Variants in TPH1 observed in about 807,000 individuals in gnomAD.
TPH1 encodes the protein tryptophan 5-hydroxylase 1.
A neutral mutation model predicts 49.5 loss-of-function variants in TPH1; 37 were observed. That is an observed-to-expected ratio of 0.75 (90% CI 0.58 to 0.98). TPH1 has a LOEUF of 0.98. Among genes scored for constraint, TPH1 ranks in the 50% least tolerant of loss-of-function variants. The probability of loss-of-function intolerance (pLI) is 0.00; values close to 1 mark genes in which losing one functional copy is unlikely to be tolerated. For synonymous variants in TPH1, 160 were observed against 182.1 expected, an observed-to-expected ratio of 0.88 and a Z score of 0.98; for missense variants, 487 against 523.6, an observed-to-expected ratio of 0.93 and a Z score of 0.68.
In TPH1 at chr11:18,026,395, A is replaced by G. The variant is rs1054988854; in HGVS notation, c.803+95T>C. On this transcript the variant is annotated intron_variant, in intron 7 of 10. Coordinates refer to ENST00000682019, the MANE Select transcript of TPH1 (RefSeq NM_004179.3). ...TAATTTATTTAATCCTCGCACACCA[A>G]AAAAAAAAAAAAAAAAAAAAAAGAA... The G allele has an allele frequency of 3.1e-4, 84 of 271,498 alleles. No individual in the cohort carries two copies. The East Asian group carries it at 0.011, about 35-fold the overall frequency. The allele number at this position is 271,498 out of a possible 1,614,324, so 16.8% of individuals were successfully genotyped here. A position where few individuals can be genotyped will look rare whatever the true frequency, so the allele number is the denominator to read the frequency against.
At chr11:18,036,315 G>A (rs1848047999) in intron 2 of TPH1, among the ~76,000 whole-genome samples, 173 bp from the exon 3 acceptor site, 1 of 152,156 alleles carries the variant, frequency 6.6e-6, no homozygotes, top group Non-Finnish European at 1.5e-5. Context: ...TAAAAATTAT[G>A]TATTAGAAAA....
At chr11:18,032,872 A>G (rs1357459360) in intron 4 of TPH1, among the ~76,000 whole-genome samples, 1 of 152,148 alleles carries the variant, frequency 6.6e-6, no homozygotes, top group Admixed American at 6.5e-5. Flanking sequence ...GATTAAAACA[A>G]TGTCTCATTT....
At chr11:18,040,479 C>T (rs541308663) in intron 2 of TPH1, among the ~76,000 whole-genome samples, 167 bp downstream of exon 2, 10 of 151,662 alleles carry the variant, frequency 6.6e-5, no homozygotes, top group African/African-American at 1.9e-4. Flanking sequence ...GCAATCCTCC[C>T]ACCCCAGCCT....
At chr11:18,022,057 C>T (rs1346090003) in intron 10 of TPH1, among the ~76,000 whole-genome samples, 1 of 152,234 alleles carries the variant, frequency 6.6e-6, no homozygotes, top group Non-Finnish European at 1.5e-5. Flanking sequence ...ACTATGACTT[C>T]AACCCCTATC....
Position 18,043,836 on chromosome 11 carries a change from A to C in TPH1, c.-27+2405T>G, listed in dbSNP as rs532913474. Among the ~76,000 whole-genome samples the C allele has an allele frequency of 5.3e-5, 8 of 152,110 alleles. No homozygotes were observed. In the South Asian group the frequency reaches 1.7e-3, roughly 32 times the overall value. The stretch of plus-strand genomic sequence containing the variant: ...ATCCATGATCGCGCCACTGCAGTCC[A>C]GCCTGGGTGACAGAGTGAAACCCTG... On this transcript the variant is annotated intron_variant, in intron 1 of 10. Transcript: ENST00000682019.
chr11:18,021,018 A>T lies in TPH1; in HGVS notation c.1308T>A (p.Ala436=), dbSNP rs768975244. Residue 436 remains alanine, a synonymous_variant, in exon 11 of 11, where the codon GCT becomes GCA. Transcript: ENST00000682019. ...HDLDVVSDAL[A]KVSRKPSI ...AGATACTCGGCTTCCTGCTGACCTT[A>T]GCAAGGGCATCACTGACAACATCGA... The T allele has an allele frequency of 1.2e-6, 2 of 1,614,032 alleles. No homozygotes were observed. Among genetic ancestry groups the T allele is most frequent in the Admixed American group, 3.3e-5 (2 of 60,016 alleles).
intron 4 of TPH1, among the ~76,000 whole-genome samples, chr11:18,031,896 T>A (rs1847992327): frequency 6.6e-6 from 1 of 152,214 alleles, no homozygotes; most frequent in South Asian, 2.1e-4. Flanking sequence ...AATTTTTTCA[T>A]GAAGCAAAAT....
chr11:18,022,552 T>A (rs1471582647), intron 10 of TPH1, among the ~76,000 whole-genome samples: 1 of 152,228 alleles, frequency 6.6e-6, no homozygotes, highest in Admixed American at 6.5e-5. Flanking sequence ...ATTAGACTAC[T>A]AAACTCTCTG....
Position 18,025,583 on chromosome 11 carries a change from G to A in TPH1, c.922C>T (p.Leu308=). 1.2e-6 allele frequency: 2 copies of A among 1,613,904 alleles called. No homozygotes were observed. Among genetic ancestry groups the A allele is most frequent in the East Asian group, 2.2e-5 (1 of 44,878 alleles). Residue 308 remains leucine (L), a synonymous_variant, in exon 8 of 11, where the codon CTG becomes TTG. Transcript: ENST00000682019. ...TAATTCCAGATTTATACCGTTGCCA[G>A]TTTTTGAACAGCCTCCTCTGAAGCG... ...LGASEEAVQK[L]ATCYFFTVEF...
At chr11:18,038,086 A>G (rs971649291) in intron 2 of TPH1, among the ~76,000 whole-genome samples, 2 of 152,244 alleles carry the variant, frequency 1.3e-5, no homozygotes, top group African/African-American at 4.8e-5. Context: ...GTGGAAAAGA[A>G]GTTGAAGAGG....
intron 1 of TPH1, among the ~76,000 whole-genome samples, chr11:18,045,611 C>G (rs1007971674): frequency 6.6e-6 from 1 of 152,062 alleles, no homozygotes. Flanking sequence ...AAATCAAACG[C>G]CAAAGGCAAG....
intron 4 of TPH1, among the ~76,000 whole-genome samples, chr11:18,030,178 G>A (rs1053296375): frequency 6.6e-6 from 1 of 152,098 alleles, no homozygotes; most frequent in Non-Finnish European, 1.5e-5. Context: ...GGAGACCTAC[G>A]AAGGAGAATC....
At chr11:18,045,310 GA>G (rs1848131175) in intron 1 of TPH1, among the ~76,000 whole-genome samples, 1 of 152,002 alleles carries the variant, frequency 6.6e-6, no homozygotes, top group South Asian at 2.1e-4. Context: ...CACTATCCAT[GA>G]AAAACAGTAT....
intron 9 of TPH1, among the ~76,000 whole-genome samples, chr11:18,023,345 A>G (rs1210599413): frequency 1.3e-5 from 2 of 152,182 alleles, no homozygotes; most frequent in African/African-American, 4.8e-5. Flanking sequence ...AACAAACTTG[A>G]GTTTATTTAT....
chr11:18,042,991 G>GT (rs969342209), intron 1 of TPH1, among the ~76,000 whole-genome samples: 6 of 152,178 alleles, frequency 3.9e-5, no homozygotes, highest in African/African-American at 1.4e-4. Context: ...TAATTCAGCA[G>GT]TTTTTTTGCA....
chr11:18,038,362 T>A (rs1474898032), intron 2 of TPH1, among the ~76,000 whole-genome samples: 1 of 152,114 alleles, frequency 6.6e-6, no homozygotes, highest in Admixed American at 6.6e-5. Flanking sequence ...ATGAATGAGA[T>A]GTTCACACAG....
intron 2 of TPH1, among the ~76,000 whole-genome samples, chr11:18,036,809 A>G (rs1349738076): frequency 6.6e-6 from 1 of 152,238 alleles, no homozygotes; most frequent in Non-Finnish European, 1.5e-5. Flanking sequence ...AGAAGGTTAG[A>G]GCAGATAATC....
intron 4 of TPH1, among the ~76,000 whole-genome samples, 188 bp downstream of exon 4, chr11:18,033,086 C>T (rs908626688): frequency 6.6e-6 from 1 of 152,098 alleles, no homozygotes; most frequent in Non-Finnish European, 1.5e-5. Flanking sequence ...AACCCCATCT[C>T]TACTAAAAAT....
chr11:18,026,823 T>A (rs1402720043), intron 6 of TPH1, among the ~76,000 whole-genome samples, 198 bp from the exon 7 acceptor site: 1 of 152,150 alleles, frequency 6.6e-6, no homozygotes, highest in Non-Finnish European at 1.5e-5. Flanking sequence ...CTTTTACATA[T>A]CACATCTCCT....
Sources: allele counts gnomAD v4.1 joint callset (sites outside exome capture counted in the v4.1 genomes callset), GRCh38; gene constraint gnomAD v4.1.1; transcripts MANE v1.5; gene names NCBI Gene and HGNC (gene_info 2026-07-23, HGNC 2026-07-21).